Variants in SLC35E4 observed in about 807,000 individuals in gnomAD.
SLC35E4 encodes the protein solute carrier family 35, member E4.
In SLC35E4, 15 loss-of-function variants were observed where a neutral mutation model predicts 19.3. The observed-to-expected ratio is 0.78, with a 90% CI of 0.52 to 1.20. The LOEUF (loss-of-function observed/expected upper bound fraction) is 1.20. Ranked by LOEUF, SLC35E4 falls within the 50% of genes most tolerant of loss-of-function variation. The probability of loss-of-function intolerance (pLI) is 0.00; values close to 1 mark genes in which losing one functional copy is unlikely to be tolerated. For synonymous variants in SLC35E4, 219 were observed against 219.9 expected (o/e 1.00, Z 0.04); for missense variants, 406 against 472.3 (o/e 0.86, Z 1.30).
At chr22:30,640,081 C>T (rs1358727440) in intron 1 of SLC35E4, among the ~76,000 whole-genome samples, 1 of 152,198 alleles carries the variant, frequency 6.6e-6, no homozygotes, top group Non-Finnish European at 1.5e-5. Context: ...TCACAATCCA[C>T]GTTCTTCTGC....
downstream of SLC35E4, chr22:30,647,938 T>C (rs1173693394): frequency 6.6e-6 from 1 of 151,866 alleles, no homozygotes; most frequent in East Asian, 1.9e-4. Flanking sequence ...ATAGGGAGAG[T>C]GGTAGGCTTC....
intron 1 of SLC35E4, among the ~76,000 whole-genome samples, chr22:30,644,826 T>G (rs572548763): frequency 9.2e-5 from 14 of 152,246 alleles, no homozygotes; most frequent in Admixed American, 2.6e-4. Context: ...GGGCACCCCT[T>G]TGTGAATTGG....
At chr22:30,652,494 A>G (rs2088241466), downstream of SLC35E4, among the ~76,000 whole-genome samples, 1 of 151,734 alleles carries the variant, frequency 6.6e-6, no homozygotes, top group South Asian at 2.1e-4. Context: ...TTAATCTATA[A>G]ACTATAAACT....
downstream of SLC35E4, among the ~76,000 whole-genome samples, chr22:30,651,425 ATATTTTTTTTTT>A (rs2088218546): frequency 1.5e-4 from 4 of 27,440 alleles, no homozygotes; most frequent in Non-Finnish European, 2.5e-4. Context: ...ATATATATAT[ATATTTTTTTTTT>A]TTTTTTTTTT....
intron 2 of SLC35E4, among the ~76,000 whole-genome samples, chr22:30,659,541 T>A (rs1176147603): frequency 6.6e-6 from 1 of 152,068 alleles, no homozygotes; most frequent in African/African-American, 2.4e-5. Flanking sequence ...ATCCAGCTAA[T>A]TTTTTGTATT....
At chr22:30,651,371 T>TTTTGTGTG (rs1555899345), downstream of SLC35E4, among the ~76,000 whole-genome samples, 12 of 41,226 alleles carry the variant, frequency 2.9e-4, no homozygotes, top group African/African-American at 1.2e-3. Flanking sequence ...TGGCTAATTT[T>TTTTGTGTG]TGTGTGTGTG....
chr22:30,662,176 T>G (rs1231917252), exon 3 of SLC35E4: 1 of 152,198 alleles, frequency 6.6e-6, no homozygotes, highest in Non-Finnish European at 1.5e-5. Context: ...AGTCTATCAT[T>G]CATGATGAGA....
downstream of SLC35E4, among the ~76,000 whole-genome samples, chr22:30,651,197 A>ATTTCT (rs1176060613): frequency 1.3e-5 from 2 of 150,410 alleles, no homozygotes; most frequent in Non-Finnish European, 3.0e-5. Flanking sequence ...ATGATCTTTT[A>ATTTCT]TTTCTTTTCT....
In SLC35E4 at chr22:30,647,581, C is replaced by G. The variant is rs550515073; in HGVS notation, c.*550C>G. ...TCTGCACACCACTGGATGGTGGGTC[C>G]AAGCCTGGCACAGTCCCTGTGCTTG... On this transcript the variant is annotated 3_prime_UTR_variant, in exon 2 of 2. Coordinates refer to ENST00000343605, the MANE Select transcript of SLC35E4 (RefSeq NM_001001479.4). The G allele has an allele frequency of 6.5e-6, 1 of 153,548 alleles. No homozygotes were observed. Among genetic ancestry groups the G allele is most frequent in the East Asian group, 1.9e-4 (1 of 5,186 alleles). The allele number at this position is 153,548 out of a possible 1,614,324, so 9.5% of individuals were successfully genotyped here. A position where few individuals can be genotyped will look rare whatever the true frequency, so the allele number is the denominator to read the frequency against.
downstream of SLC35E4, among the ~76,000 whole-genome samples, chr22:30,648,749 C>T (rs2088170279): frequency 6.6e-6 from 1 of 152,078 alleles, no homozygotes; most frequent in Non-Finnish European, 1.5e-5. Flanking sequence ...AAAGAAAAAT[C>T]CAATCGCTTG....
chr22:30,652,740 TA>T (rs2088247547), downstream of SLC35E4, among the ~76,000 whole-genome samples: 1 of 152,196 alleles, frequency 6.6e-6, no homozygotes, highest in South Asian at 2.1e-4. Flanking sequence ...CCTCAACACA[TA>T]GTAGTTGGTG....
chr22:30,662,026 A>G (rs1193729059), intron 2 of SLC35E4: 1 of 127,990 alleles, frequency 7.8e-6, no homozygotes, highest in Non-Finnish European at 1.6e-5. Flanking sequence ...AAAGGACTTA[A>G]ACCATTTTTT....
downstream of SLC35E4, chr22:30,663,797 T>A (rs746559561): frequency 1.2e-6 from 2 of 1,614,210 alleles, no homozygotes; most frequent in South Asian, 1.1e-5. Flanking sequence ...CAGCCACAGG[T>A]ACCTGCATGT....
At chr22:30,653,621 C>T (rs914014949) in intron 2 of SLC35E4, among the ~76,000 whole-genome samples, 5 of 151,988 alleles carry the variant, frequency 3.3e-5, no homozygotes, top group Non-Finnish European at 5.9e-5. Flanking sequence ...GACCCGCCCC[C>T]CCTCGGCCTC....
At chr22:30,641,463 T>C (rs2088035198) in intron 1 of SLC35E4, among the ~76,000 whole-genome samples, 1 of 152,206 alleles carries the variant, frequency 6.6e-6, no homozygotes, top group African/African-American at 2.4e-5. Flanking sequence ...CCAGACAGAT[T>C]TGGGGCAATT....
chr22:30,666,574 A>G (rs1400010852), downstream of SLC35E4, among the ~76,000 whole-genome samples: 1 of 137,660 alleles, frequency 7.3e-6, no homozygotes, highest in Non-Finnish European at 1.5e-5. Context: ...GTGAGCCAAG[A>G]TCGTGCCACT....
intron 2 of SLC35E4, among the ~76,000 whole-genome samples, chr22:30,657,306 C>CACACACAA (rs1327783231): frequency 8.9e-6 from 1 of 112,450 alleles, no homozygotes; most frequent in Non-Finnish European, 1.7e-5. Flanking sequence ...CACACACACA[C>CACACACAA]AAATTAGCCG....
chr22:30,640,045 G>A (rs1364523989), intron 1 of SLC35E4, among the ~76,000 whole-genome samples: 1 of 152,124 alleles, frequency 6.6e-6, no homozygotes, highest in Non-Finnish European at 1.5e-5. Context: ...ATTAATTTGG[G>A]AAACTAATAA....
At chr22:30,663,267 A>G in exon 3 of SLC35E4, 1 of 703,812 alleles carries the variant, frequency 1.4e-6, no homozygotes, top group Non-Finnish European at 2.3e-6. Flanking sequence ...TAATCTTAAA[A>G]AAAATGGATT....
Sources: gnomAD v4.1 joint callset for allele counts (sites outside exome capture counted in the v4.1 genomes callset) on GRCh38, gnomAD v4.1.1 for gene constraint, MANE v1.5 for transcripts, NCBI Gene and HGNC (gene_info 2026-07-23, HGNC 2026-07-21) for gene names.